Variants in HHAT observed in about 807,000 individuals in gnomAD.
HHAT encodes protein-cysteine N-palmitoyltransferase HHAT.
In HHAT, 47 loss-of-function variants were observed where a neutral mutation model predicts 70.8. That is an observed-to-expected ratio of 0.66 (90% CI 0.53 to 0.85). HHAT has a LOEUF of 0.85. Ranked by LOEUF, HHAT falls within the 40% of genes least tolerant of loss-of-function variation. The pLI, the probability that HHAT is intolerant of heterozygous loss-of-function variation, is 0.00. For missense variants in HHAT, 609 were observed against 604.8 expected, an observed-to-expected ratio of 1.01 and a Z score of -0.07; for synonymous variants, 228 against 247.6, an observed-to-expected ratio of 0.92 and a Z score of 0.74.
chr1:210,577,045 CT>C (rs1288372234), intron 9 of HHAT, among the ~76,000 whole-genome samples: 1 of 147,222 alleles, frequency 6.8e-6, no homozygotes, highest in Non-Finnish European at 1.5e-5. Context: ...CTTTTGTATC[CT>C]CTGATTTTAC....
intron 8 of HHAT, among the ~76,000 whole-genome samples, chr1:210,471,076 A>G (rs2094196273): frequency 6.6e-6 from 1 of 152,172 alleles, no homozygotes; most frequent in African/African-American, 2.4e-5. Flanking sequence ...GCTATGCTGA[A>G]TGGACAGGTG....
intron 10 of HHAT, among the ~76,000 whole-genome samples, chr1:210,591,018 G>T (rs890634325): frequency 6.6e-6 from 1 of 152,054 alleles, no homozygotes; most frequent in Non-Finnish European, 1.5e-5. Flanking sequence ...ATCACATGGG[G>T]GTAAATGGGG....
chr1:210,419,258 T>C (rs1402567510), intron 7 of HHAT, among the ~76,000 whole-genome samples: 2 of 152,182 alleles, frequency 1.3e-5, no homozygotes, highest in Non-Finnish European at 2.9e-5. Flanking sequence ...GGCGTGTGTG[T>C]ATTTCCCTCT....
intron 3 of HHAT, among the ~76,000 whole-genome samples, chr1:210,370,514 A>G (rs1263207416): frequency 1.3e-5 from 2 of 151,672 alleles, no homozygotes; most frequent in African/African-American, 4.9e-5. Flanking sequence ...TTTCCCATGA[A>G]CTACTAGATA....
At chr1:210,540,698 C>T (rs2095421765) in intron 9 of HHAT, among the ~76,000 whole-genome samples, 1 of 151,216 alleles carries the variant, frequency 6.6e-6, no homozygotes, top group African/African-American at 2.4e-5. Context: ...AGTGGCTATT[C>T]ACAGGTGCAA....
At chr1:210,451,051 C>A (rs1057241363) in intron 7 of HHAT, among the ~76,000 whole-genome samples, 1 of 145,586 alleles carries the variant, frequency 6.9e-6, no homozygotes, top group Admixed American at 7.1e-5. Flanking sequence ...CATGCCACTG[C>A]GCTCCAGCCT....
At chr1:210,668,132 A>G (rs1679321899) in intron 11 of HHAT, among the ~76,000 whole-genome samples, 1 of 152,186 alleles carries the variant, frequency 6.6e-6, no homozygotes. Context: ...ATGTTGTAGC[A>G]TGTGTCAGAA....
chr1:210,512,440 T>C (rs537259133), intron 8 of HHAT, among the ~76,000 whole-genome samples: 1 of 151,872 alleles, frequency 6.6e-6, no homozygotes, highest in Admixed American at 6.5e-5. Context: ...TTTGGGAGGC[T>C]GAGGTGGGAG....
chr1:210,554,327 G>A (rs1018823312), intron 9 of HHAT, among the ~76,000 whole-genome samples: 18 of 152,178 alleles, frequency 1.2e-4, no homozygotes, highest in African/African-American at 4.1e-4. Flanking sequence ...TTCAGCTAGG[G>A]TTGTAACCTC....
intron 9 of HHAT, among the ~76,000 whole-genome samples, chr1:210,568,526 G>A (rs1380277118): frequency 6.6e-6 from 1 of 152,162 alleles, no homozygotes; most frequent in Non-Finnish European, 1.5e-5. Flanking sequence ...AGCAAGGAAA[G>A]AATGGAGCAA....
At chr1:210,447,049 T>C (rs2093649569) in intron 7 of HHAT, among the ~76,000 whole-genome samples, 1 of 152,146 alleles carries the variant, frequency 6.6e-6, no homozygotes, top group Admixed American at 6.5e-5. Context: ...TAAACCCCTT[T>C]ATAGGTTGTT....
intron 11 of HHAT, among the ~76,000 whole-genome samples, chr1:210,640,647 G>C (rs529529605): frequency 6.6e-6 from 1 of 151,670 alleles, no homozygotes; most frequent in Non-Finnish European, 1.5e-5. Context: ...ACATGCGTGC[G>C]TGTAACCCCC....
At chr1:210,590,649 A>G (rs886450728) in intron 10 of HHAT, 2 of 151,242 alleles carry the variant, frequency 1.3e-5, no homozygotes, top group Non-Finnish European at 2.9e-5. Flanking sequence ...TATTCTATTC[A>G]GAACTTCAAC....
rs536704849 is a variant in HHAT at position 210,673,037 on chromosome 1, A to G, written c.1391-1251A>G. Among the ~76,000 whole-genome samples, 327 of 152,304 alleles carry G rather than the reference A, an allele frequency of 2.1e-3. 1 individual carries two copies. Among genetic ancestry groups the G allele is most frequent in the Non-Finnish European group, 3.7e-3 (250 of 68,010 alleles). On this transcript the variant is annotated intron_variant, in intron 11 of 11. Transcript: ENST00000261458. The stretch of plus-strand genomic sequence containing the variant: ...GGATTGACAAAGGTAATGACTTCCT[A>G]GCTAGCCATATTCAAAAGAAATGTC...
At chr1:210,544,544 T>C (rs536412531) in intron 9 of HHAT, among the ~76,000 whole-genome samples, 50 of 152,080 alleles carry the variant, frequency 3.3e-4, no homozygotes, top group African/African-American at 1.1e-3. Flanking sequence ...AGCTAATTTT[T>C]GTATTTTTAG....
At position 210,604,164 on chromosome 1, in the gene HHAT, C is replaced by G. The variant is rs577253878; in HGVS notation, c.1245+16065C>G. 7.7e-4 allele frequency among the ~76,000 whole-genome samples: 118 copies of G among 152,260 alleles called. No individual in the cohort carries two copies. In the Middle Eastern group the frequency reaches 0.01, roughly 13 times the overall value. ...GTGCAATCTAGGCTCACTGCAACCT[C>G]CACCTCCCAGGTTCAAGTGAAGCTT... On this transcript the variant is annotated intron_variant, in intron 10 of 11. Transcript: ENST00000261458.
intron 10 of HHAT, among the ~76,000 whole-genome samples, chr1:210,597,324 C>T (rs1663225855): frequency 6.6e-6 from 1 of 152,170 alleles, no homozygotes; most frequent in Non-Finnish European, 1.5e-5. Context: ...ACAATAACTA[C>T]TGCCTGGCTA....
chr1:210,543,511 T>G (rs2095451858), intron 9 of HHAT, among the ~76,000 whole-genome samples: 1 of 152,110 alleles, frequency 6.6e-6, no homozygotes. Context: ...AGCCAGTAGT[T>G]TGAGACCAGG....
intron 6 of HHAT, among the ~76,000 whole-genome samples, chr1:210,415,766 C>G (rs1245322720): frequency 6.6e-6 from 1 of 151,926 alleles, no homozygotes; most frequent in Non-Finnish European, 1.5e-5. Flanking sequence ...TAAAATGATT[C>G]TCCTGCCTCA....
Sources: gnomAD v4.1 joint callset for allele counts (sites outside exome capture counted in the v4.1 genomes callset) on GRCh38, gnomAD v4.1.1 for gene constraint, MANE v1.5 for transcripts, NCBI Gene and HGNC (gene_info 2026-07-23, HGNC 2026-07-21) for gene names.